GRIA1: variants seen among roughly 807,000 people sequenced by gnomAD.
The protein encoded by GRIA1 is glutamate receptor 1.
Under a neutral mutation model 99.2 loss-of-function variants are expected in GRIA1, and 31 were observed. That is an observed-to-expected ratio of 0.31 (90% CI 0.23 to 0.42). The LOEUF is 0.42. Ranked by LOEUF, GRIA1 falls within the 10% of genes least tolerant of loss-of-function variation. The pLI, the probability that GRIA1 is intolerant of heterozygous loss-of-function variation, is 1.00. For synonymous variants in GRIA1, 438 were observed against 432.4 expected (o/e 1.01, Z -0.16); for missense variants, 782 against 1,157.5 (o/e 0.68, Z 4.71).
At chr5:153,748,830 GA>G (rs1216125074) in intron 11 of GRIA1, among the ~76,000 whole-genome samples, 1 of 152,156 alleles carries the variant, frequency 6.6e-6, no homozygotes, top group Non-Finnish European at 1.5e-5. Context: ...CATTTTTTGT[GA>G]GGGTTCATTG....
intron 2 of GRIA1, among the ~76,000 whole-genome samples, chr5:153,521,991 G>A (rs1174042212): frequency 2.0e-5 from 3 of 152,058 alleles, no homozygotes; most frequent in Non-Finnish European, 2.9e-5. Flanking sequence ...TACTTTTTAG[G>A]CCCACCCTTC....
intron 2 of GRIA1, among the ~76,000 whole-genome samples, chr5:153,610,683 A>G (rs1245356175): frequency 6.6e-6 from 1 of 152,192 alleles, no homozygotes; most frequent in Non-Finnish European, 1.5e-5. Flanking sequence ...CAAGTTATCT[A>G]ATTTCTCTAT....
At chr5:153,552,145 A>T (rs1760206313) in intron 2 of GRIA1, among the ~76,000 whole-genome samples, 1 of 152,148 alleles carries the variant, frequency 6.6e-6, no homozygotes, top group South Asian at 2.1e-4. Flanking sequence ...TGTGTAGCAT[A>T]ACTTTTTAAG....
At chr5:153,520,109 T>C (rs1430801929) in intron 2 of GRIA1, among the ~76,000 whole-genome samples, 1 of 152,226 alleles carries the variant, frequency 6.6e-6, no homozygotes, top group Non-Finnish European at 1.5e-5. Context: ...TCAGTGCTTA[T>C]TAATTTAATA....
chr5:153,793,214 A>G (rs1765417903), intron 13 of GRIA1, among the ~76,000 whole-genome samples: 1 of 152,216 alleles, frequency 6.6e-6, no homozygotes, highest in African/African-American at 2.4e-5. Context: ...TGCTCTGTCA[A>G]CTGTCTACAT....
chr5:153,725,857 C>T (rs1760484145), intron 11 of GRIA1, among the ~76,000 whole-genome samples: 1 of 135,282 alleles, frequency 7.4e-6, no homozygotes, highest in Non-Finnish European at 1.6e-5. Context: ...CAAGGATACC[C>T]AGGAATTGAA....
At chr5:153,689,979 C>T (rs1350327648) in intron 8 of GRIA1, among the ~76,000 whole-genome samples, 85 of 152,206 alleles carry the variant, frequency 5.6e-4, no homozygotes, top group Non-Finnish European at 2.9e-5. Flanking sequence ...ACTTGCTCTT[C>T]ATCAAGAACT....
chr5:153,668,842 A>G (rs967935030), intron 5 of GRIA1, among the ~76,000 whole-genome samples: 35 of 152,232 alleles, frequency 2.3e-4, no homozygotes, highest in African/African-American at 7.7e-4. Flanking sequence ...GCAGGGTGAC[A>G]TATTCTGGCT....
At chr5:153,586,515 A>T (rs1228978541) in intron 2 of GRIA1, among the ~76,000 whole-genome samples, 1 of 152,248 alleles carries the variant, frequency 6.6e-6, no homozygotes, top group Admixed American at 6.5e-5. Flanking sequence ...CCCAAGTTAT[A>T]TGAATTTAAC....
intron 11 of GRIA1, among the ~76,000 whole-genome samples, chr5:153,739,146 G>A (rs1222688707): frequency 2.0e-5 from 3 of 150,338 alleles, no homozygotes; most frequent in Non-Finnish European, 2.9e-5. Flanking sequence ...CCTTGCTGCT[G>A]CAAACTCCTT....
At chr5:153,641,481 C>T (rs918219112) in intron 2 of GRIA1, among the ~76,000 whole-genome samples, 4 of 152,160 alleles carry the variant, frequency 2.6e-5, no homozygotes, top group African/African-American at 9.7e-5. Flanking sequence ...TTTTCCTGCT[C>T]TCACTGGTTC....
intron 2 of GRIA1, among the ~76,000 whole-genome samples, chr5:153,504,538 C>A (rs17515709): frequency 6.6e-6 from 1 of 151,682 alleles, no homozygotes; most frequent in South Asian, 2.1e-4. Flanking sequence ...GACAAAAAGT[C>A]AACATGCTAA....
At chr5:153,620,156 G>A (rs1766895616) in intron 2 of GRIA1, among the ~76,000 whole-genome samples, 1 of 152,142 alleles carries the variant, frequency 6.6e-6, no homozygotes, top group Non-Finnish European at 1.5e-5. Flanking sequence ...CCCCTCTGTA[G>A]GTCAGGAAGT....
Position 153,513,028 on chromosome 5 carries a change from C to T in GRIA1, c.220+18963C>T, listed in dbSNP as rs1001423476. Among the ~76,000 whole-genome samples the T allele has an allele frequency of 4.6e-5, 7 of 152,266 alleles. No individual in the cohort carries two copies. The East Asian group carries it at 1.4e-3, about 29-fold the overall frequency. On this transcript the variant is annotated intron_variant, in intron 2 of 15. Transcript: ENST00000285900. ...GCCATTGGCAAGTCAGGAAGAGAAC[C>T]TCACCATAGTGGCACCATGATCTCG...
intron 13 of GRIA1, among the ~76,000 whole-genome samples, chr5:153,779,270 G>A (rs771394125): frequency 6.6e-6 from 1 of 152,146 alleles, no homozygotes; most frequent in Non-Finnish European, 1.5e-5. Context: ...TTCTCAAAGT[G>A]ATTTGTGGAA....
intron 2 of GRIA1, among the ~76,000 whole-genome samples, chr5:153,567,682 A>G (rs761218806): frequency 3.3e-5 from 5 of 152,228 alleles, no homozygotes; most frequent in Non-Finnish European, 7.3e-5. Context: ...TGATGACCTG[A>G]AGACAGAGTC....
At chr5:153,656,505 T>G (rs866013208) in intron 5 of GRIA1, among the ~76,000 whole-genome samples, 27 of 151,160 alleles carry the variant, frequency 1.8e-4, no homozygotes, top group African/African-American at 5.3e-4. Context: ...TTTGTATATA[T>G]TAAATTTTAC....
Position 153,542,722 on chromosome 5 carries a change from A to G in GRIA1, c.220+48657A>G, listed in dbSNP as rs185719280. The stretch of plus-strand genomic sequence containing the variant: ...CTTGGCTAACTTCATTTCATTTTCT[A>G]TGATTCATCTCATGGTACCTCCTCC... On this transcript the variant is annotated intron_variant, in intron 2 of 15. Transcript: ENST00000285900. 1.3e-3 allele frequency among the ~76,000 whole-genome samples: 200 copies of G among 152,316 alleles called. 2 individuals are homozygous for G. The highest frequency in any genetic ancestry group is 4.6e-3 in the African/African-American group (192 of 41,582).
At position 153,621,146 on chromosome 5, in the gene GRIA1, A is replaced by G. The variant is rs77439583; in HGVS notation, c.221-25782A>G. ...AATTGTATTATATACTTGCATATCTATATTGTTTTAGAGAAGAGGCTAAAG... is the reference window on the plus strand; with the variant it reads ...AATTGTATTATATACTTGCATATCTGTATTGTTTTAGAGAAGAGGCTAAAG... On this transcript the variant is annotated intron_variant, in intron 2 of 15. Transcript: ENST00000285900. 3.5e-3 allele frequency among the ~76,000 whole-genome samples: 531 copies of G among 152,274 alleles called. 3 individuals are homozygous for G. Among genetic ancestry groups the G allele is most frequent in the African/African-American group, 0.013 (521 of 41,550 alleles).
Sources: gnomAD v4.1 joint callset for allele counts (sites outside exome capture counted in the v4.1 genomes callset) on GRCh38, gnomAD v4.1.1 for gene constraint, MANE v1.5 for transcripts, NCBI Gene and HGNC (gene_info 2026-07-23, HGNC 2026-07-21) for gene names.